The following ZEB1 variants were observed in gnomAD, a reference collection of about 807,000 sequenced individuals.
ZEB1 encodes zinc finger E-box binding homeobox 1.
In ZEB1, 21 loss-of-function variants were observed where a neutral mutation model predicts 84.9. That is an observed-to-expected ratio of 0.25 (90% confidence interval 0.18 to 0.36). ZEB1 has a LOEUF of 0.36. Among genes scored for constraint, ZEB1 ranks in the 10% least tolerant of loss-of-function variants. The pLI, the probability that ZEB1 is intolerant of heterozygous loss-of-function variation, is 1.00. For synonymous variants in ZEB1, 420 were observed against 471.1 expected, an observed-to-expected ratio of 0.89 and a Z score of 1.41; for missense variants, 1,104 against 1,330.2, an observed-to-expected ratio of 0.83 and a Z score of 2.65.
At chr10:31,523,548 A>G (rs768713813) in intron 7 of ZEB1, among the ~76,000 whole-genome samples, 4 of 152,252 alleles carry the variant, frequency 2.6e-5, no homozygotes, top group Admixed American at 1.3e-4. Flanking sequence ...TGAGCGATTA[A>G]TTAGCAAACT....
intron 1 of ZEB1, among the ~76,000 whole-genome samples, chr10:31,339,533 G>A (rs1044274278): frequency 1.8e-4 from 27 of 152,190 alleles, no homozygotes; most frequent in African/African-American, 6.5e-4. Flanking sequence ...ACTTTGGGAG[G>A]CTGAGGTGGG....
At chr10:31,441,366 G>A (rs1276832533) in intron 1 of ZEB1, among the ~76,000 whole-genome samples, 1 of 152,218 alleles carries the variant, frequency 6.6e-6, no homozygotes, top group African/African-American at 2.4e-5. Context: ...GTGGAAAGCT[G>A]AAACTGGATC....
In ZEB1 at chr10:31,529,478, C is replaced by G. The variant is rs1392607729; in HGVS notation, c.*2214C>G. 1 of 152,148 alleles carries G rather than the reference C, an allele frequency of 6.6e-6. No individual in the cohort carries two copies. The highest frequency in any genetic ancestry group is 1.5e-5 in the Non-Finnish European group (1 of 68,038). 9.4% of individuals were successfully genotyped at this position (152,148 alleles called of 1,614,324 possible). A position where few individuals can be genotyped will look rare whatever the true frequency, so the allele number is the denominator to read the frequency against. On this transcript the variant is annotated 3_prime_UTR_variant, in exon 9 of 9. Coordinates refer to ENST00000424869, the MANE Select transcript of ZEB1 (RefSeq NM_001174096.2). ...TTTCAGGGAAGCCTGGGTTTAGATG[C>G]CTTTCTGACTCTCAGCTCCTGCACT...
intron 1 of ZEB1, among the ~76,000 whole-genome samples, chr10:31,414,956 A>C (rs746051769): frequency 1.3e-5 from 2 of 152,208 alleles, no homozygotes; most frequent in Non-Finnish European, 2.9e-5. Flanking sequence ...AACTGAAACA[A>C]CATGAAGGGA....
chr10:31,430,422 G>A (rs1564829370), intron 1 of ZEB1, among the ~76,000 whole-genome samples: 4 of 152,092 alleles, frequency 2.6e-5, no homozygotes, highest in Admixed American at 2.6e-4. Flanking sequence ...GCTTCCTTTT[G>A]CAAACCAAAC....
chr10:31,455,057 A>G (rs2061036137), intron 1 of ZEB1, among the ~76,000 whole-genome samples: 1 of 152,256 alleles, frequency 6.6e-6, no homozygotes, highest in African/African-American at 2.4e-5. Context: ...ACTGGTATCA[A>G]AATAGATATA....
intron 2 of ZEB1, among the ~76,000 whole-genome samples, chr10:31,492,759 A>G (rs1348000641): frequency 6.6e-6 from 1 of 151,898 alleles, no homozygotes; most frequent in African/African-American, 2.4e-5. Flanking sequence ...AGCTTAAACT[A>G]TGTTATCCTG....
At chr10:31,515,597 T>G (rs2070932144) in intron 6 of ZEB1, among the ~76,000 whole-genome samples, 1 of 152,108 alleles carries the variant, frequency 6.6e-6, no homozygotes, top group East Asian at 1.9e-4. Context: ...GATAGCTTTG[T>G]GAAGCATAGT....
chr10:31,382,467 A>G (rs937891024), intron 1 of ZEB1, among the ~76,000 whole-genome samples: 2 of 152,190 alleles, frequency 1.3e-5, no homozygotes, highest in African/African-American at 4.8e-5. Flanking sequence ...TATCATATAC[A>G]GTAACTAAAT....
intron 4 of ZEB1, among the ~76,000 whole-genome samples, chr10:31,508,833 C>CT (rs947930621): frequency 6.6e-6 from 1 of 152,080 alleles, no homozygotes; most frequent in Non-Finnish European, 1.5e-5. Flanking sequence ...GCTTTAGCCC[C>CT]AGACAGCGGC....
At chr10:31,397,358 G>C (rs1401143011) in intron 1 of ZEB1, among the ~76,000 whole-genome samples, 1 of 151,574 alleles carries the variant, frequency 6.6e-6, no homozygotes, top group African/African-American at 2.4e-5. Flanking sequence ...ATATCAGTTG[G>C]GTTGATTATA....
chr10:31,399,700 A>G (rs1405291198), intron 1 of ZEB1, among the ~76,000 whole-genome samples: 1 of 152,202 alleles, frequency 6.6e-6, no homozygotes, highest in Non-Finnish European at 1.5e-5. Flanking sequence ...AAGCCATATT[A>G]TGTCACTCTT....
At position 31,520,086 on chromosome 10, in the gene ZEB1, A is replaced by G. The variant is rs1565198212; in HGVS notation, c.794-40A>G. The G allele has an allele frequency of 1.9e-6, 3 of 1,605,294 alleles. No individual in the cohort carries two copies. The highest frequency in any genetic ancestry group is 2.5e-6 in the Non-Finnish European group (3 of 1,177,030). On this transcript the variant is annotated intron_variant, in intron 6 of 8. Coordinates refer to ENST00000424869, the MANE Select transcript of ZEB1 (RefSeq NM_001174096.2). The surrounding 1 kb of genome is among the most constrained non-coding windows in gnomAD (Gnocchi z 5.1). ...TGAGGATACATAAAAATTTATATGT[A>G]ATAATTCAGTGAATATAATTTGTTT...
chr10:31,512,519 G>C (rs1399911592), intron 5 of ZEB1, among the ~76,000 whole-genome samples: 1 of 152,180 alleles, frequency 6.6e-6, no homozygotes, highest in East Asian at 1.9e-4. Flanking sequence ...CTAAAAGGTA[G>C]AATGTATATT....
At chr10:31,470,298 G>A (rs1026287123) in intron 2 of ZEB1, among the ~76,000 whole-genome samples, 3 of 148,464 alleles carry the variant, frequency 2.0e-5, no homozygotes, top group Non-Finnish European at 4.5e-5. Flanking sequence ...CAAAGGCAAA[G>A]AAGTTGAAAA....
chr10:31,448,622 C>T (rs1343353172), intron 1 of ZEB1, among the ~76,000 whole-genome samples: 1 of 151,738 alleles, frequency 6.6e-6, no homozygotes, highest in Non-Finnish European at 1.5e-5. Context: ...TGTTAGTTTT[C>T]CTTCTTACAG....
At chr10:31,488,519 G>GTT (rs57811340) in intron 2 of ZEB1, among the ~76,000 whole-genome samples, 31 of 143,208 alleles carry the variant, frequency 2.2e-4, no homozygotes, top group African/African-American at 5.5e-4. Flanking sequence ...TTGTCTCACT[G>GTT]TTTTTTTTTT....
chr10:31,525,962 G>A (rs1349229097), intron 8 of ZEB1, among the ~76,000 whole-genome samples: 1 of 152,190 alleles, frequency 6.6e-6, no homozygotes, highest in African/African-American at 2.4e-5. Flanking sequence ...ATTTGTTAGT[G>A]TTAACTGCTT....
At chr10:31,468,376 G>A (rs2062708692) in intron 2 of ZEB1, among the ~76,000 whole-genome samples, 2 of 152,136 alleles carry the variant, frequency 1.3e-5, no homozygotes, top group Non-Finnish European at 2.9e-5. Flanking sequence ...TACTGGCCAG[G>A]AGGTCAAAAC....
Sources: allele counts gnomAD v4.1 joint callset (sites outside exome capture counted in the v4.1 genomes callset), GRCh38; gene constraint gnomAD v4.1.1; non-coding constraint Gnocchi (gnomAD v3.1); transcripts MANE v1.5; gene names NCBI Gene and HGNC (gene_info 2026-07-23, HGNC 2026-07-21).